The following RAB23 variants were observed in gnomAD, a reference collection of about 807,000 sequenced individuals.
RAB23 encodes the protein RAB23, member RAS oncogene family, also known as ras-related protein Rab-23.
Under a neutral mutation model 30.0 loss-of-function variants are expected in RAB23, and 15 were observed. The observed-to-expected ratio is 0.50, with a 90% CI of 0.33 to 0.77. The LOEUF (loss-of-function observed/expected upper bound fraction) is 0.77, where lower values mean the gene tolerates loss of function less well. RAB23 is among the 30% of genes least tolerant of loss of function. RAB23 has a pLI of 0.02. For missense variants in RAB23, 243 were observed against 275.4 expected (o/e 0.88, Z 0.83); for synonymous variants, 93 against 94.0 (o/e 0.99, Z 0.06).
At chr6:57,212,615 C>T (rs1765695895) in intron 1 of RAB23, among the ~76,000 whole-genome samples, 1 of 150,930 alleles carries the variant, frequency 6.6e-6, no homozygotes, top group Non-Finnish European at 1.5e-5. Flanking sequence ...GGGGCAGTGG[C>T]TCACACCTAT....
At chr6:57,215,667 AAAT>A (rs140762903) in intron 1 of RAB23, among the ~76,000 whole-genome samples, 1,687 of 152,346 alleles carry the variant, frequency 0.011, 30 homozygotes, top group African/African-American at 0.039. Context: ...AGTGGAAAAG[AAAT>A]AATTTTTTAA....
Position 57,192,620 on chromosome 6 carries a change from G to A in RAB23, c.574+1222C>T, listed in dbSNP as rs1017029910. 2.0e-5 allele frequency among the ~76,000 whole-genome samples: 3 copies of A among 152,146 alleles called. No individual in the cohort carries two copies. In the South Asian group the frequency reaches 6.2e-4, roughly 32 times the overall value. ...TTTAGAAGATGGAGGCTGGGCAGTG[G>A]CTCACACCTATAATCCCAACCCTTT... On this transcript the variant is annotated intron_variant, in intron 6 of 6. Transcript: ENST00000468148.
chr6:57,201,745 AT>A (rs1765277876), intron 3 of RAB23, among the ~76,000 whole-genome samples: 2 of 152,202 alleles, frequency 1.3e-5, no homozygotes, highest in South Asian at 2.1e-4. Context: ...GGAAAAAGAT[AT>A]TTTTCCTCTC....
chr6:57,193,695 CCTTTTAA>C, intron 6 of RAB23, 140 bp downstream of exon 6: 4 of 1,142,892 alleles, frequency 3.5e-6, no homozygotes, highest in Non-Finnish European at 4.8e-6. Context: ...ACACAATATA[CCTTTTAA>C]CAAGAGACCT....
chr6:57,197,510 C>T (rs1193326306), intron 3 of RAB23, among the ~76,000 whole-genome samples: 1 of 152,076 alleles, frequency 6.6e-6, no homozygotes, highest in Non-Finnish European at 1.5e-5. Flanking sequence ...GTTTTCTTAC[C>T]ATTACTCCTT....
In RAB23 at chr6:57,188,240, A is replaced by T. The variant is rs1744617279; in HGVS notation, c.*2221T>A. On this transcript the variant is annotated 3_prime_UTR_variant, in exon 7 of 7. Transcript: ENST00000468148. ...TAAGAATTGATTAAATTGAGAAATT[A>T]ACATGGCTGACTTTCAGGCCTACTT... 1 of 152,200 alleles carries T rather than the reference A, an allele frequency of 6.6e-6. No individual in the cohort carries two copies. 9.4% of individuals were successfully genotyped at this position (152,200 alleles called of 1,614,324 possible). A position where few individuals can be genotyped will look rare whatever the true frequency, so the allele number is the denominator to read the frequency against.
At chr6:57,212,038 C>T (rs779166993) in intron 1 of RAB23, among the ~76,000 whole-genome samples, 10 of 152,198 alleles carry the variant, frequency 6.6e-5, no homozygotes, top group Non-Finnish European at 1.5e-4. Context: ...TTCTGGGTCT[C>T]TGCCTCAGGC....
At chr6:57,216,824 C>G (rs1001400331) in intron 1 of RAB23, among the ~76,000 whole-genome samples, 1 of 143,292 alleles carries the variant, frequency 7.0e-6, no homozygotes, top group Admixed American at 7.0e-5. Flanking sequence ...AGGTAACTTC[C>G]AGACGTTGCC....
chr6:57,210,301 T>C lies in RAB23; in HGVS notation c.80A>G (p.Gln27Arg). 1 of 1,613,938 alleles carries C rather than the reference T, an allele frequency of 6.2e-7. No individual in the cohort carries two copies. The highest frequency in any genetic ancestry group is 8.5e-7 in the Non-Finnish European group (1 of 1,179,798). The change falls in exon 2 of 7, where the codon CAG (glutamine) becomes CGG (arginine). Residue 27 changes from glutamine to arginine, a missense_variant. Coordinates refer to ENST00000468148, the MANE Select transcript of RAB23 (RefSeq NM_016277.5). ...TGTAAAAATGCCTTTGCAATATCGC[T>C]GAATCATACTTGATTTTCCAACTGC... ...NGAVGKSSMI[Q>R]RYCKGIFTKD...
At position 57,221,802 on chromosome 6, in the gene RAB23, G is replaced by A. The variant is rs1021463034; in HGVS notation, c.-142C>T. On this transcript the variant is annotated 5_prime_UTR_variant, in exon 1 of 7. Coordinates refer to ENST00000468148, the MANE Select transcript of RAB23 (RefSeq NM_016277.5). Reference sequence around the variant, plus strand: ...AGCTGGAACTTGGGATCGGTGCTCAGGGAGGGGAGAGCCGGCGCTCGGCGG... The same window carrying A: ...AGCTGGAACTTGGGATCGGTGCTCAAGGAGGGGAGAGCCGGCGCTCGGCGG... 2 of 152,540 alleles carry A rather than the reference G, an allele frequency of 1.3e-5. No individual in the cohort carries two copies. The highest frequency in any genetic ancestry group is 1.3e-4 in the Admixed American group (2 of 15,306). 9.4% of individuals were successfully genotyped at this position (152,540 alleles called of 1,614,324 possible).
chr6:57,192,132 C>G (rs1299096014), intron 6 of RAB23, among the ~76,000 whole-genome samples: 1 of 152,134 alleles, frequency 6.6e-6, no homozygotes, highest in Non-Finnish European at 1.5e-5. Flanking sequence ...GCACAAGCAA[C>G]CACACCCAGC....
chr6:57,206,018 T>TA (rs1283947857), intron 3 of RAB23, among the ~76,000 whole-genome samples: 1 of 152,222 alleles, frequency 6.6e-6, no homozygotes, highest in Admixed American at 6.5e-5. Flanking sequence ...CTGGCAGCAC[T>TA]ATGTACTCAT....
intron 6 of RAB23, among the ~76,000 whole-genome samples, chr6:57,192,733 AAGAAAAAG>A (rs1470033032): frequency 6.6e-6 from 1 of 152,180 alleles, no homozygotes; most frequent in Admixed American, 6.5e-5. Flanking sequence ...TTAAAAAAGA[AAGAAAAAG>A]AGTATGGAGG....
Position 57,221,905 on chromosome 6 carries a change from C to G in RAB23, c.-245G>C, listed in dbSNP as rs1002374496. On this transcript the variant is annotated 5_prime_UTR_variant, in exon 1 of 7. Transcript: ENST00000468148. ...CCTGCCCACTCCGGAGAGTAAGGCA[C>G]AACCCGGGACCCCGGGGAGAAGCTG... is the stretch of plus-strand genomic sequence containing the variant. 1 of 152,476 alleles carries G rather than the reference C, an allele frequency of 6.6e-6. No homozygotes were observed. The highest frequency in any genetic ancestry group is 2.4e-5 in the African/African-American group (1 of 41,478). 9.4% of individuals were successfully genotyped at this position (152,476 alleles called of 1,614,324 possible).
intron 1 of RAB23, among the ~76,000 whole-genome samples, chr6:57,217,335 A>G (rs1334034378): frequency 1.3e-5 from 2 of 152,176 alleles, no homozygotes; most frequent in Non-Finnish European, 2.9e-5. Flanking sequence ...TTTTTGAGAC[A>G]AAGTCTCACT....
chr6:57,207,043 G>A (rs1340479316), intron 3 of RAB23, among the ~76,000 whole-genome samples: 1 of 152,150 alleles, frequency 6.6e-6, no homozygotes, highest in Non-Finnish European at 1.5e-5. Context: ...TGAAAATGGT[G>A]TTTTAAATTC....
intron 1 of RAB23, among the ~76,000 whole-genome samples, chr6:57,220,276 A>C (rs1420818031): frequency 6.6e-6 from 1 of 152,218 alleles, no homozygotes; most frequent in African/African-American, 2.4e-5. Flanking sequence ...GAGTATGTGG[A>C]GCAACTAGAA....
chr6:57,208,281 C>T (rs1765519872), intron 2 of RAB23, among the ~76,000 whole-genome samples: 1 of 152,086 alleles, frequency 6.6e-6, no homozygotes, highest in Admixed American at 6.6e-5. Flanking sequence ...AGGTCAGTGC[C>T]TGTTCTCCTT....
At chr6:57,194,748 A>G in intron 5 of RAB23, 22 bp downstream of exon 5, 1 of 1,537,886 alleles carries the variant, frequency 6.5e-7, no homozygotes, top group Non-Finnish European at 9.0e-7. Flanking sequence ...TTTGCAATCT[A>G]TATCCTTTAA....
Sources: gnomAD v4.1 joint callset for allele counts (sites outside exome capture counted in the v4.1 genomes callset) on GRCh38, gnomAD v4.1.1 for gene constraint, MANE v1.5 for transcripts, NCBI Gene and HGNC (gene_info 2026-07-23, HGNC 2026-07-21) for gene names.